The following MAP3K4 variants were observed in gnomAD, a reference collection of about 807,000 sequenced individuals.
The protein encoded by MAP3K4 is MAP three kinase 1.
A neutral mutation model predicts 185.6 loss-of-function variants in MAP3K4; 67 were observed. That is an observed-to-expected ratio of 0.36 (90% confidence interval 0.30 to 0.44). MAP3K4 has a LOEUF of 0.44. Ranked by LOEUF, MAP3K4 falls within the 20% of genes least tolerant of loss-of-function variation. The pLI, the probability that MAP3K4 is intolerant of heterozygous loss-of-function variation, is 1.00. For synonymous variants in MAP3K4, 702 were observed against 710.4 expected (o/e 0.99, Z 0.19); for missense variants, 1,551 against 1,995.1 (o/e 0.78, Z 4.24).
At chr6:161,095,856 A>G (rs559265763) in intron 15 of MAP3K4, among the ~76,000 whole-genome samples, 2 of 152,342 alleles carry the variant, frequency 1.3e-5, no homozygotes, top group South Asian at 2.1e-4. Context: ...GCAGTGTTAC[A>G]TATACCTACT....
chr6:161,049,107 G>A lies in MAP3K4; in HGVS notation c.835G>A (p.Asp279Asn), dbSNP rs368008176. The change falls in exon 3 of 27, where the codon GAC becomes AAC. Residue 279 changes from aspartate to asparagine, a missense_variant. This residue lies in a region of MAP3K4 where 69 missense variants were observed against 124.8 expected (regional missense o/e 0.55). Transcript: ENST00000392142. This position sits in a 1 kb window ranked among gnomAD's most constrained non-coding sequence, Gnocchi z 8.4. ...QAWHAGRTIN[D>N]QDFFLYTARQ... The stretch of plus-strand genomic sequence containing the variant: ...CTGGCATGCAGGACGGACAATTAAC[G>A]ACCAGGACTTCTTTTTATATACAGC... The A allele has an allele frequency of 6.6e-5, 107 of 1,614,000 alleles. No individual in the cohort carries two copies. The highest frequency in any genetic ancestry group is 8.5e-5 in the Non-Finnish European group (100 of 1,180,034).
chr6:161,012,912 A>G (rs1354764783), intron 1 of MAP3K4, among the ~76,000 whole-genome samples: 3 of 152,186 alleles, frequency 2.0e-5, no homozygotes, highest in Non-Finnish European at 4.4e-5. Context: ...TGGTCCCATC[A>G]TATTTCATTT....
intron 1 of MAP3K4, among the ~76,000 whole-genome samples, chr6:161,000,714 CAT>C (rs1309267321): frequency 3.3e-5 from 5 of 151,500 alleles, no homozygotes; most frequent in Non-Finnish European, 7.4e-5. Flanking sequence ...ATGTGTACAC[CAT>C]ATATACACAC....
intron 1 of MAP3K4, among the ~76,000 whole-genome samples, chr6:161,015,348 G>T (rs548401235): frequency 6.6e-6 from 1 of 152,168 alleles, no homozygotes; most frequent in Admixed American, 6.5e-5. Context: ...ACAGCTCATT[G>T]ATGCTGGACT....
rs1233408114 is a variant in MAP3K4 at position 161,073,258 on chromosome 6, C to T, written c.1951-208C>T. The T allele has an allele frequency of 2.5e-6, 1 of 404,480 alleles. No individual in the cohort carries two copies. The highest frequency in any genetic ancestry group is 4.3e-6 in the Non-Finnish European group (1 of 230,540). The allele number at this position is 404,480 out of a possible 1,614,324, so 25.1% of individuals were successfully genotyped here. A position where few individuals can be genotyped will look rare whatever the true frequency, so the allele number is the denominator to read the frequency against. On this transcript the variant is annotated intron_variant, in intron 4 of 26. Coordinates refer to ENST00000392142, the MANE Select transcript of MAP3K4 (RefSeq NM_005922.4). The surrounding 1 kb of genome is among the most constrained non-coding windows in gnomAD (Gnocchi z 4.2). Reference sequence around the variant, plus strand: ...TGTATCCATGCTGTAGTATTAAATTCTTTTATTTTCACTGTTTTGTTGCTT... The same window carrying T: ...TGTATCCATGCTGTAGTATTAAATTTTTTTATTTTCACTGTTTTGTTGCTT...
intron 1 of MAP3K4, among the ~76,000 whole-genome samples, chr6:160,993,329 T>A (rs768783830): frequency 1.3e-5 from 2 of 152,234 alleles, no homozygotes; most frequent in Non-Finnish European, 2.9e-5. Context: ...ATAAATTTGT[T>A]AACGGATCAG....
In MAP3K4 at chr6:161,109,186, T is replaced by A. The variant is rs549647701; in HGVS notation, c.4236+327T>A. ...TTTGCTGAACCACTGTTGAGTACACTGTTAAGTAATACTGGTTTTTTTCTT... is the reference window on the plus strand; with the variant it reads ...TTTGCTGAACCACTGTTGAGTACACAGTTAAGTAATACTGGTTTTTTTCTT... On this transcript the variant is annotated intron_variant, in intron 22 of 26. Coordinates refer to ENST00000392142, the MANE Select transcript of MAP3K4 (RefSeq NM_005922.4). The surrounding 1 kb of genome is among the most constrained non-coding windows in gnomAD (Gnocchi z 5.7). The A allele has an allele frequency of 8.9e-5, 42 of 470,844 alleles. No homozygotes were observed. The highest frequency in any genetic ancestry group is 1.5e-4 in the Non-Finnish European group (39 of 258,322). 29.2% of individuals were successfully genotyped at this position (470,844 alleles called of 1,614,324 possible).
chr6:161,079,718 T>G (rs7738762), intron 5 of MAP3K4, among the ~76,000 whole-genome samples: 147,219 of 152,258 alleles, frequency 0.97, 71,213 homozygotes, highest in East Asian at 1. Flanking sequence ...TGTTGAGGAC[T>G]GTAGACCCAT....
At position 161,095,455 on chromosome 6, in the gene MAP3K4, T is replaced by C. The variant is rs1777525362; in HGVS notation, c.3427+1604T>C. On this transcript the variant is annotated intron_variant, in intron 15 of 26. Transcript: ENST00000392142. ...ATTTTGTTGTTATTGTTGCTTACTT[T>C]CTTCCTTTCCCTCTGTTGTAAGCAC... 2.6e-5 allele frequency among the ~76,000 whole-genome samples: 4 copies of C among 152,246 alleles called. No homozygotes were observed. The South Asian group carries it at 8.3e-4, about 31-fold the overall frequency.
chr6:161,106,851 T>C lies in MAP3K4; in HGVS notation c.4048+146T>C. 1 of 545,506 alleles carries C rather than the reference T, an allele frequency of 1.8e-6. No individual in the cohort carries two copies. Among genetic ancestry groups the C allele is most frequent in the South Asian group, 5.8e-5 (1 of 17,208 alleles). 33.8% of individuals were successfully genotyped at this position (545,506 alleles called of 1,614,324 possible). ...ATTGTTATCTTTTTGCAAAGTGGTC[T>C]GGATTTTTTTTGGTTGTTTAATTTG... On this transcript the variant is annotated intron_variant, in intron 20 of 26. Coordinates refer to ENST00000392142, the MANE Select transcript of MAP3K4 (RefSeq NM_005922.4). This position sits in a 1 kb window ranked among gnomAD's most constrained non-coding sequence, Gnocchi z 4.9.
intron 4 of MAP3K4, among the ~76,000 whole-genome samples, chr6:161,072,440 G>GT (rs1302470347): frequency 2.0e-5 from 3 of 152,144 alleles, no homozygotes; most frequent in Admixed American, 6.5e-5. Context: ...GTGTGTGTGA[G>GT]TTTTTTCCCT....
intron 3 of MAP3K4, among the ~76,000 whole-genome samples, chr6:161,052,942 G>C (rs1235212464): frequency 2.0e-5 from 3 of 152,054 alleles, no homozygotes; most frequent in Non-Finnish European, 4.4e-5. Flanking sequence ...TTATAGAGTG[G>C]GTATAATACT....
chr6:161,029,548 G>A (rs1272529097), intron 1 of MAP3K4, among the ~76,000 whole-genome samples: 1 of 152,192 alleles, frequency 6.6e-6, no homozygotes, highest in Admixed American at 6.5e-5. Context: ...AGAGTGAAAT[G>A]TTTTACGTGA....
chr6:161,049,343 A>G lies in MAP3K4; in HGVS notation c.1071A>G (p.Ile357Met). Residue 357 changes from isoleucine (I) to methionine (M), a missense_variant, in exon 3 of 27, where the codon ATA becomes ATG. Coordinates refer to ENST00000392142, the MANE Select transcript of MAP3K4 (RefSeq NM_005922.4). The surrounding 1 kb of genome is among the most constrained non-coding windows in gnomAD (Gnocchi z 8.4). ...TCTCATTTGAGCAGGTAAAACGGATAATGGAGCTGCTAGAGTACATAGAAG... is the reference window on the plus strand; with the variant it reads ...TCTCATTTGAGCAGGTAAAACGGATGATGGAGCTGCTAGAGTACATAGAAG... ...QRVSFEQVKRIMELLEYIEAL... is the reference protein window; with the variant it reads ...QRVSFEQVKRMMELLEYIEAL... 6.2e-7 allele frequency: 1 copy of G among 1,614,172 alleles called. No homozygotes were observed. The highest frequency in any genetic ancestry group is 8.5e-7 in the Non-Finnish European group (1 of 1,180,028).
At chr6:160,992,704 G>A (rs1348257526) in intron 1 of MAP3K4, among the ~76,000 whole-genome samples, 1 of 152,154 alleles carries the variant, frequency 6.6e-6, no homozygotes, top group Non-Finnish European at 1.5e-5. Flanking sequence ...ACAAAAGTAA[G>A]GATTCATTTG....
rs1268476140 is a variant in MAP3K4, at chr6:161,096,883, A to G, written c.3428-197A>G. ...ATGGAGAAAACTGTTAATATATAAT[A>G]GGGCTTTACTGACTTTTAAAAAGTG... On this transcript the variant is annotated intron_variant, in intron 15 of 26. Transcript: ENST00000392142. This position sits in a 1 kb window ranked among gnomAD's most constrained non-coding sequence, Gnocchi z 4.9. 1 of 498,028 alleles carries G rather than the reference A, an allele frequency of 2.0e-6. No individual in the cohort carries two copies. The allele number at this position is 498,028 out of a possible 1,614,324, so 30.9% of individuals were successfully genotyped here.
rs1348028743 is a variant in MAP3K4, at chr6:161,027,363, AAG to A, written c.153-6892_153-6891del. 2.6e-5 allele frequency among the ~76,000 whole-genome samples: 4 copies of A among 152,328 alleles called. No homozygotes were observed. In the East Asian group the frequency reaches 7.7e-4, roughly 29 times the overall value. ...ACAAATCTATGAAATGTGAGTGTGAAAGAGAATTGTAGCTTCTACATAAATTA... is the reference window on the plus strand; with the variant it reads ...ACAAATCTATGAAATGTGAGTGTGAAAGAATTGTAGCTTCTACATAAATTA... On this transcript the variant is annotated intron_variant, in intron 1 of 26. Transcript: ENST00000392142.
intron 1 of MAP3K4, among the ~76,000 whole-genome samples, chr6:160,999,495 G>C (rs1781168458): frequency 6.6e-6 from 1 of 152,160 alleles, no homozygotes; most frequent in Non-Finnish European, 1.5e-5. Context: ...TCTTACAGAT[G>C]GTAGGACGCT....
chr6:161,081,082 ACT>A, intron 6 of MAP3K4, 44 bp downstream of exon 6: 1 of 1,587,894 alleles, frequency 6.3e-7, no homozygotes, highest in South Asian at 1.1e-5. Context: ...CCACCTTCTC[ACT>A]CTCACACCAT....
Sources: allele counts gnomAD v4.1 joint callset (sites outside exome capture counted in the v4.1 genomes callset), GRCh38; gene constraint gnomAD v4.1.1; regional missense constraint gnomAD v4.1.1; non-coding constraint Gnocchi (gnomAD v3.1); transcripts MANE v1.5; gene names NCBI Gene and HGNC (gene_info 2026-07-23, HGNC 2026-07-21).